SLC26A4: variants seen among roughly 807,000 people sequenced by gnomAD.
SLC26A4 encodes the protein pendrin.
In SLC26A4, 93 loss-of-function variants were observed where a neutral mutation model predicts 90.4. That is an observed-to-expected ratio of 1.03 (90% CI 0.87 to 1.22). SLC26A4 has a LOEUF of 1.22. Ranked by LOEUF, SLC26A4 falls within the 50% of genes most tolerant of loss-of-function variation. The pLI is 0.00. For synonymous variants in SLC26A4, 393 were observed against 354.6 expected (o/e 1.11, Z -1.22); for missense variants, 1,127 against 946.2 (o/e 1.19, Z -2.51).
chr7:107,698,081 T>C lies in SLC26A4; in HGVS notation c.1584T>C (p.Asp528=), dbSNP rs751218077. The change falls in exon 14 of 21, where the codon GAT becomes GAC. Residue 528 remains aspartate (D), a synonymous_variant. Transcript: ENST00000644269. ...WNGLGSIPST[D]IYKSTKNYKN... ...GCCTTGGAAGCATCCCTAGCACAGA[T>C]ATCTACAAAAGTACCAAGAATTACA... is the stretch of plus-strand genomic sequence containing the variant. 8.7e-6 allele frequency: 14 copies of C among 1,610,656 alleles called. No homozygotes were observed. Among genetic ancestry groups the C allele is most frequent in the East Asian group, 2.2e-5 (1 of 44,854 alleles).
chr7:107,661,972 C>A lies in SLC26A4; in HGVS notation c.164+167C>A. 3 of 719,034 alleles carry A rather than the reference C, an allele frequency of 4.2e-6. No individual in the cohort carries two copies. The highest frequency in any genetic ancestry group is 6.7e-6 in the Non-Finnish European group (3 of 446,886). The allele number at this position is 719,034 out of a possible 1,614,324, so 44.5% of individuals were successfully genotyped here. On this transcript the variant is annotated intron_variant, in intron 2 of 20. Coordinates refer to ENST00000644269, the MANE Select transcript of SLC26A4 (RefSeq NM_000441.2). The surrounding 1 kb of genome is among the most constrained non-coding windows in gnomAD (Gnocchi z 5.1). ...TTTCGGTCTCCGGTCCTCCACGCCG[C>A]CCTTCTGGTGGGAGGGTGGCTCCAT...
intron 4 of SLC26A4, among the ~76,000 whole-genome samples, chr7:107,672,601 T>C (rs1790903964): frequency 6.6e-6 from 1 of 152,094 alleles, no homozygotes; most frequent in South Asian, 2.1e-4. Context: ...GGAGTCATAA[T>C]GACAGGGAAA....
chr7:107,666,369 G>T (rs1388534834), intron 3 of SLC26A4, among the ~76,000 whole-genome samples: 1 of 152,080 alleles, frequency 6.6e-6, no homozygotes. Flanking sequence ...CTACAGGCAT[G>T]TGCCACCATG....
At chr7:107,693,948 T>A (rs1791655583) in intron 10 of SLC26A4, among the ~76,000 whole-genome samples, 1 of 152,232 alleles carries the variant, frequency 6.6e-6, no homozygotes, top group Non-Finnish European at 1.5e-5. Flanking sequence ...GAGTTGCTAT[T>A]ATAGCTGCAG....
intron 10 of SLC26A4, chr7:107,691,747 T>A (rs543604953): frequency 4.8e-6 from 5 of 1,032,876 alleles, no homozygotes; most frequent in South Asian, 5.3e-5. Context: ...CAACAAAAAA[T>A]TTTATTTTCA....
rs145254330 is a variant in SLC26A4, at chr7:107,672,182, C to T, written c.349C>T (p.Leu117Phe). The T allele has an allele frequency of 3.2e-4, 514 of 1,613,118 alleles. No homozygotes were observed. The highest frequency in any genetic ancestry group is 2.8e-4 in the Non-Finnish European group (329 of 1,179,226). Reference sequence around the variant, plus strand: ...AGCTGCAGTTCCTGTCGGATATGGTCTCTACTCTGCTTTTTTCCCTATCCT... The same window carrying T: ...AGCTGCAGTTCCTGTCGGATATGGTTTCTACTCTGCTTTTTTCCCTATCCT... Reference protein sequence around the residue: ...LLAAVPVGYGLYSAFFPILTY... With the variant: ...LLAAVPVGYGFYSAFFPILTY... Residue 117 changes from leucine (L) to phenylalanine (F), a missense_variant, in exon 4 of 21, where the codon CTC becomes TTC. Physicochemically the swap from Leu to Phe is conservative, Grantham distance 22. Transcript: ENST00000644269.
At chr7:107,674,619 G>A (rs974379773) in intron 5 of SLC26A4, among the ~76,000 whole-genome samples, 2 of 152,110 alleles carry the variant, frequency 1.3e-5, no homozygotes, top group East Asian at 1.9e-4. Context: ...GGAAATATAC[G>A]GGAATCCATA....
chr7:107,714,369 A>G lies in SLC26A4; in HGVS notation c.2320-1054A>G, dbSNP rs899531248. 6.6e-5 allele frequency among the ~76,000 whole-genome samples: 10 copies of G among 152,314 alleles called. No homozygotes were observed. The East Asian group carries it at 1.2e-3, about 18-fold the overall frequency. On this transcript the variant is annotated intron_variant, in intron 20 of 20. Transcript: ENST00000644269. The stretch of plus-strand genomic sequence containing the variant: ...TTGCAAAGAAAACATTCAACCCCCT[A>G]TAGTGAAATCAGGCAGTAAGGATGA...
chr7:107,661,767 G>A lies in SLC26A4; in HGVS notation c.126G>A (p.Glu42=). The A allele has an allele frequency of 6.5e-7, 1 of 1,542,660 alleles. No individual in the cohort carries two copies. Among genetic ancestry groups the A allele is most frequent in the Non-Finnish European group, 8.7e-7 (1 of 1,148,042 alleles). Residue 42 remains glutamate (E), a synonymous_variant, in exon 2 of 21, where the codon GAG becomes GAA. Transcript: ENST00000644269. The surrounding 1 kb of genome is among the most constrained non-coding windows in gnomAD (Gnocchi z 5.1). ...FQQQHERRLQ[E]RKTLRESLAK... Reference sequence around the variant, plus strand: ...AACAGCACGAGCGGCGCCTGCAGGAGCGCAAGACGCTGCGGGAGAGCCTGG... The same window carrying A: ...AACAGCACGAGCGGCGCCTGCAGGAACGCAAGACGCTGCGGGAGAGCCTGG...
intron 14 of SLC26A4, 75 bp from the exon 15 acceptor site, chr7:107,700,008 C>T (rs936095574): frequency 9.9e-5 from 88 of 891,172 alleles, no homozygotes; most frequent in Non-Finnish European, 1.4e-4. Context: ...TGACTCCTTG[C>T]TAAGTAGCCA....
At chr7:107,710,638 A>G (rs1331366562) in intron 19 of SLC26A4, among the ~76,000 whole-genome samples, 1 of 152,258 alleles carries the variant, frequency 6.6e-6, no homozygotes, top group African/African-American at 2.4e-5. Flanking sequence ...AAAGAAATTT[A>G]AAAATCAAGC....
intron 10 of SLC26A4, chr7:107,692,194 T>G: frequency 1.4e-6 from 1 of 704,040 alleles, no homozygotes; most frequent in African/African-American, 2.0e-5. Context: ...GAATGAAGGA[T>G]GCCAGGATTT....
chr7:107,664,377 A>G (rs1790653649), intron 3 of SLC26A4, among the ~76,000 whole-genome samples: 1 of 152,174 alleles, frequency 6.6e-6, no homozygotes, highest in South Asian at 2.1e-4. Context: ...GGCTACAGGC[A>G]TGTGCCACCA....
At chr7:107,711,195 A>T (rs1260087766) in intron 19 of SLC26A4, among the ~76,000 whole-genome samples, 1 of 152,014 alleles carries the variant, frequency 6.6e-6, no homozygotes, top group Admixed American at 6.6e-5. Flanking sequence ...AGAAAAAAAA[A>T]CTGTTTATCA....
At position 107,680,165 on chromosome 7, in the gene SLC26A4, A is replaced by G. The variant is rs552477387; in HGVS notation, c.766-3037A>G. Among the ~76,000 whole-genome samples the G allele has an allele frequency of 9.0e-3, 1,085 of 119,930 alleles. 6 individuals carry two copies. Among genetic ancestry groups the G allele is most frequent in the Non-Finnish European group, 0.013 (836 of 64,020 alleles). The allele number at this position is 119,930 out of a possible 152,430, so 78.7% of individuals were successfully genotyped here. A position where few individuals can be genotyped will look rare whatever the true frequency, so the allele number is the denominator to read the frequency against. On this transcript the variant is annotated intron_variant, in intron 6 of 20. Transcript: ENST00000644269. ...TAATCTTATCTTATTATATAATATA[A>G]TCTTATCTTATTATATAATATAATC...
rs139637423 is a variant in SLC26A4 at position 107,671,904 on chromosome 7, C to T, written c.305-234C>T. Among the ~76,000 whole-genome samples, 302 of 152,244 alleles carry T rather than the reference C, an allele frequency of 2.0e-3. 1 individual carries two copies. The highest frequency in any genetic ancestry group is 6.6e-3 in the African/African-American group (274 of 41,558). ...CCTACAGTTGGGCAAAATAATCTAA[C>T]GCAAGCCTATTTTATAATAAAGTAT... On this transcript the variant is annotated intron_variant, in intron 3 of 20. Coordinates refer to ENST00000644269, the MANE Select transcript of SLC26A4 (RefSeq NM_000441.2).
Position 107,691,514 on chromosome 7 carries a change from T to TATACAC in SLC26A4, c.1263+1278_1263+1279insTACACA, listed in dbSNP as rs1417607238. 4.5e-3 allele frequency among the ~76,000 whole-genome samples: 586 copies of TATACAC among 131,026 alleles called. 2 individuals carry two copies. Among genetic ancestry groups the TATACAC allele is most frequent in the South Asian group, 0.024 (92 of 3,826 alleles). The allele number at this position is 131,026 out of a possible 152,430, so 86.0% of individuals were successfully genotyped here. ...CTAGACTCTGTGTCAAATATATATA[T>TATACAC]ACACACACACACACACACACACACA... On this transcript the variant is annotated intron_variant, in intron 10 of 20. Transcript: ENST00000644269.
intron 2 of SLC26A4, among the ~76,000 whole-genome samples, chr7:107,662,617 C>T (rs889933058): frequency 1.3e-5 from 2 of 152,076 alleles, no homozygotes; most frequent in Admixed American, 6.5e-5. Context: ...TTTAAAGACT[C>T]TTAAAAAATA....
At chr7:107,709,927 C>T (rs562547408) in intron 18 of SLC26A4, 127 bp from the exon 19 acceptor site, 39 of 724,682 alleles carry the variant, frequency 5.4e-5, no homozygotes, top group Middle Eastern at 7.5e-4. Flanking sequence ...ACTTGGGACG[C>T]GGAGGTTGCA....
Sources: gnomAD v4.1 joint callset for allele counts (sites outside exome capture counted in the v4.1 genomes callset) on GRCh38, gnomAD v4.1.1 for gene constraint, Gnocchi (gnomAD v3.1) non-coding constraint, MANE v1.5 for transcripts, NCBI Gene and HGNC (gene_info 2026-07-23, HGNC 2026-07-21) for gene names.